Variants in AIRE observed in about 807,000 individuals in gnomAD.
AIRE encodes the protein autoimmune polyendocrinopathy candidiasis ectodermal dystrophy protein.
Under a neutral mutation model 62.1 loss-of-function variants are expected in AIRE, and 52 were observed. That is an observed-to-expected ratio of 0.84 (90% confidence interval 0.67 to 1.06). The LOEUF (loss-of-function observed/expected upper bound fraction) is 1.06. Among genes scored for constraint, AIRE ranks in the 50% least tolerant of loss-of-function variants. The probability of loss-of-function intolerance (pLI) is 0.00; values close to 1 mark genes in which losing one functional copy is unlikely to be tolerated. For synonymous variants in AIRE, 342 were observed against 321.6 expected (o/e 1.06, Z -0.68); for missense variants, 774 against 755.8 (o/e 1.02, Z -0.28).
chr21:44,293,005 C>T lies in AIRE; in HGVS notation c.1108C>T (p.Leu370Phe). The change falls in exon 10 of 14, where the codon CTT becomes TTT. Residue 370 changes from leucine to phenylalanine, a missense_variant. Coordinates refer to ENST00000291582, the MANE Select transcript of AIRE (RefSeq NM_000383.4). Reference protein sequence around the residue: ...PPVETPLPPGLRSAGEEVRGP... With the variant: ...PPVETPLPPGFRSAGEEVRGP... ...CCTTGGGTTCCAGCTCCCCCCGGGG[C>T]TTAGGTCGGCGGGAGAGGAGGTAAG... The T allele has an allele frequency of 6.2e-7, 1 of 1,612,408 alleles. No individual in the cohort carries two copies. Among genetic ancestry groups the T allele is most frequent in the Non-Finnish European group, 8.5e-7 (1 of 1,179,794 alleles).
chr21:44,286,867 G>C lies in AIRE; in HGVS notation c.308-111G>C. On this transcript the variant is annotated intron_variant, in intron 2 of 13. Transcript: ENST00000291582. This position sits in a 1 kb window ranked among gnomAD's most constrained non-coding sequence, Gnocchi z 6.0. Reference sequence around the variant, plus strand: ...TCCAGGACCGTCTTGGATCCTAAGAGGCAAAGGGGCCAGGCCTCACCTGTC... The same window carrying C: ...TCCAGGACCGTCTTGGATCCTAAGACGCAAAGGGGCCAGGCCTCACCTGTC... 6.4e-7 allele frequency: 1 copy of C among 1,572,668 alleles called. No homozygotes were observed. The highest frequency in any genetic ancestry group is 8.7e-7 in the Non-Finnish European group (1 of 1,147,652).
At position 44,286,947 on chromosome 21, in the gene AIRE, T is replaced by C; in HGVS notation, c.308-31T>C. ...CCTACCCCTGGAGAAAACCCTGAGG[T>C]TGGGACCCTGCTCCTGCCCCTGAGC... On this transcript the variant is annotated intron_variant, in intron 2 of 13. Coordinates refer to ENST00000291582, the MANE Select transcript of AIRE (RefSeq NM_000383.4). The surrounding 1 kb of genome is among the most constrained non-coding windows in gnomAD (Gnocchi z 6.0). 6.2e-7 allele frequency: 1 copy of C among 1,612,524 alleles called. No homozygotes were observed. Among genetic ancestry groups the C allele is most frequent in the Non-Finnish European group, 8.5e-7 (1 of 1,179,874 alleles).
In AIRE at chr21:44,297,004, A is replaced by C. The variant is rs1342468995; in HGVS notation, c.1566+559A>C. Among the ~76,000 whole-genome samples the C allele has an allele frequency of 6.6e-6, 1 of 152,198 alleles. No homozygotes were observed. The highest frequency in any genetic ancestry group is 1.5e-5 in the Non-Finnish European group (1 of 68,024). On this transcript the variant is annotated intron_variant, in intron 13 of 13. Coordinates refer to ENST00000291582, the MANE Select transcript of AIRE (RefSeq NM_000383.4). This position sits in a 1 kb window ranked among gnomAD's most constrained non-coding sequence, Gnocchi z 4.8. ...CTCCACGGGTTCTCCTCAGTGTCTGATGTGGCACCCGGGGGTCCCAGCTGA... is the reference window on the plus strand; with the variant it reads ...CTCCACGGGTTCTCCTCAGTGTCTGCTGTGGCACCCGGGGGTCCCAGCTGA...
chr21:44,291,320 G>T, intron 8 of AIRE, 110 bp downstream of exon 8: 1 of 1,478,924 alleles, frequency 6.8e-7, no homozygotes. Flanking sequence ...AAGATGGAAA[G>T]GGGTTCTGAG....
chr21:44,295,118 T>C (rs751437185), intron 12 of AIRE, among the ~76,000 whole-genome samples: 26 of 152,168 alleles, frequency 1.7e-4, no homozygotes, highest in Non-Finnish European at 3.5e-4. Flanking sequence ...CCTCTTGCCC[T>C]GACCGTCCCC....
Position 44,291,123 on chromosome 21 carries a change from G to T in AIRE, c.908G>T (p.Arg303Leu), listed in dbSNP as rs139808903. Reference sequence around the variant, plus strand: ...AATGAGGACGAGTGTGCCGTGTGTCGGGACGGCGGGGAGCTCATCTGCTGT... The same window carrying T: ...AATGAGGACGAGTGTGCCGTGTGTCTGGACGGCGGGGAGCTCATCTGCTGT... ...QKNEDECAVC[R>L]DGGELICCDG... The change falls in exon 8 of 14, where the codon CGG becomes CTG. Residue 303 changes from arginine (R) to leucine (L), a missense_variant. By Grantham distance (102) the Arg-to-Leu change is moderately radical. Around this residue, in one of 3 missense-constraint regions of AIRE, gnomAD observed 35 missense variants for 63.7 expected, o/e 0.55. Transcript: ENST00000291582. 6.2e-7 allele frequency: 1 copy of T among 1,612,240 alleles called. No individual in the cohort carries two copies. Among genetic ancestry groups the T allele is most frequent in the African/African-American group, 1.3e-5 (1 of 74,894 alleles).
chr21:44,295,924 G>C (rs554125220), intron 12 of AIRE, among the ~76,000 whole-genome samples: 25 of 152,244 alleles, frequency 1.6e-4, no homozygotes, highest in African/African-American at 6.0e-4. Context: ...GAATTCCACA[G>C]GGTTCAATGT....
Position 44,291,248 on chromosome 21 carries a change from C to A in AIRE, c.995+38C>A, listed in dbSNP as rs200741288. ...CTCTGCCAGCGCAACCAGGCCACCCCGGTTCACGGCCGCCTCCACCCACTG... is the reference window on the plus strand; with the variant it reads ...CTCTGCCAGCGCAACCAGGCCACCCAGGTTCACGGCCGCCTCCACCCACTG... On this transcript the variant is annotated intron_variant, in intron 8 of 13. Coordinates refer to ENST00000291582, the MANE Select transcript of AIRE (RefSeq NM_000383.4). The A allele has an allele frequency of 3.6e-5, 57 of 1,594,042 alleles. No individual in the cohort carries two copies. The African/African-American group carries it at 7.2e-4, about 20-fold the overall frequency.
In AIRE at chr21:44,287,554, G is replaced by GAGCAGCGCAGAGC. The variant is rs940485051; in HGVS notation, c.510_522dup (p.Leu175ArgfsTer46). On this transcript the variant is annotated frameshift_variant, in exon 4 of 14. Transcript: ENST00000291582. LOFTEE classifies it high-confidence loss of function. This position sits in a 1 kb window ranked among gnomAD's most constrained non-coding sequence, Gnocchi z 4.3. ...AGGCCAAGCCCCCCAAGAAGCCGGAGAGCAGCGCAGAGCAGCAGCGCCTTC... is the reference window on the plus strand; with the variant it reads ...AGGCCAAGCCCCCCAAGAAGCCGGAGAGCAGCGCAGAGCAGCAGCGCAGAGCAGCAGCGCCTTC... 3 of 1,558,698 alleles carry GAGCAGCGCAGAGC rather than the reference G, an allele frequency of 1.9e-6. No individual in the cohort carries two copies. The highest frequency in any genetic ancestry group is 2.6e-6 in the Non-Finnish European group (3 of 1,151,424).
chr21:44,288,537 T>G (rs1411568230), intron 5 of AIRE, 79 bp downstream of exon 5: 2 of 1,041,726 alleles, frequency 1.9e-6, no homozygotes, highest in East Asian at 4.8e-5. Context: ...CCCCTTTGCA[T>G]CCTGGTGGTC....
At position 44,293,189 on chromosome 21, in the gene AIRE, G is replaced by A; in HGVS notation, c.1278+14G>A. 3 of 1,542,062 alleles carry A rather than the reference G, an allele frequency of 1.9e-6. No homozygotes were observed. The highest frequency in any genetic ancestry group is 1.2e-5 in the South Asian group (1 of 83,834). Reference sequence around the variant, plus strand: ...GAGGGTCAGCAGGTGAGCGGGGAGTGGGGGTCAGGGTGGGCTCTTCAAGGA... The same window carrying A: ...GAGGGTCAGCAGGTGAGCGGGGAGTAGGGGTCAGGGTGGGCTCTTCAAGGA... On this transcript the variant is annotated intron_variant, in intron 10 of 13. Transcript: ENST00000291582.
chr21:44,290,696 A>T (rs1476965664), intron 7 of AIRE: 13 of 1,320,820 alleles, frequency 9.8e-6, no homozygotes, highest in Non-Finnish European at 1.3e-5. Context: ...AGCAGGCACC[A>T]TCCAGGCAGG....
chr21:44,291,032 G>T (rs1404613318), intron 7 of AIRE, 63 bp from the exon 8 acceptor site: 1 of 1,613,404 alleles, frequency 6.2e-7, no homozygotes, highest in African/African-American at 1.3e-5. Context: ...TGGGAAGGAG[G>T]TGGCTCTCAG....
rs544715010 is a variant in AIRE, at chr21:44,286,836, T to G, written c.307+105T>G. On this transcript the variant is annotated intron_variant, in intron 2 of 13. Transcript: ENST00000291582. The surrounding 1 kb of genome is among the most constrained non-coding windows in gnomAD (Gnocchi z 6.0). ...GAGTGGTGTTTGAGGAGCCCGTGGG[T>G]GATGTTCCAGGACCGTCTTGGATCC... 1 of 1,564,518 alleles carries G rather than the reference T, an allele frequency of 6.4e-7. No homozygotes were observed. Among genetic ancestry groups the G allele is most frequent in the African/African-American group, 1.4e-5 (1 of 73,730 alleles).
At position 44,298,248 on chromosome 21, in the gene AIRE, T is replaced by C. The variant is rs1362758457; in HGVS notation, c.*521T>C. The C allele has an allele frequency of 1.1e-5, 2 of 185,916 alleles. No homozygotes were observed. Among genetic ancestry groups the C allele is most frequent in the Non-Finnish European group, 2.3e-5 (2 of 87,188 alleles). 11.5% of individuals were successfully genotyped at this position (185,916 alleles called of 1,614,324 possible). A position where few individuals can be genotyped will look rare whatever the true frequency, so the allele number is the denominator to read the frequency against. Reference sequence around the variant, plus strand: ...TTGCCACCACCATCTGCAGAGCTGTTCCAGCTTCCTGAATGGAAACTCTGG... The same window carrying C: ...TTGCCACCACCATCTGCAGAGCTGTCCCAGCTTCCTGAATGGAAACTCTGG... On this transcript the variant is annotated 3_prime_UTR_variant, in exon 14 of 14. Transcript: ENST00000291582.
rs779142964 is a variant in AIRE, at chr21:44,297,676, G to A, written c.1587G>A (p.Leu529=). The change falls in exon 14 of 14, where the codon CTG becomes CTA. Residue 529 remains leucine (L), a synonymous_variant. Coordinates refer to ENST00000291582, the MANE Select transcript of AIRE (RefSeq NM_000383.4). The surrounding 1 kb of genome is among the most constrained non-coding windows in gnomAD (Gnocchi z 4.8). ...LLSEHTFDGI[L]QWAIQSMARP... ...CGCAGCACACCTTCGATGGCATCCT[G>A]CAGTGGGCCATCCAGAGCATGGCCC... 1.2e-6 allele frequency: 2 copies of A among 1,612,442 alleles called. No homozygotes were observed. Among genetic ancestry groups the A allele is most frequent in the East Asian group, 4.5e-5 (2 of 44,880 alleles).
At chr21:44,288,710 G>A in intron 5 of AIRE, 1 of 500,550 alleles carries the variant, frequency 2.0e-6, no homozygotes, top group South Asian at 2.5e-5. Context: ...GCACTCCCCA[G>A]TCACCTCCAT....
intron 9 of AIRE, 119 bp from the exon 10 acceptor site, chr21:44,292,874 A>ATGCCAGCCCTCCGCCCCCCCCC: frequency 2.4e-6 from 2 of 839,008 alleles, no homozygotes; most frequent in Admixed American, 2.0e-5. Flanking sequence ...CGCCCCCACC[A>ATGCCAGCCCTCCGCCCCCCCCC]TGCCAGGCCT....
At chr21:44,296,985 G>C (rs1227280955) in intron 13 of AIRE, among the ~76,000 whole-genome samples, 4 of 152,224 alleles carry the variant, frequency 2.6e-5, no homozygotes, top group Non-Finnish European at 5.9e-5. Flanking sequence ...CAGCCTCCAC[G>C]GGTTCTCCTC....
Sources: allele counts gnomAD v4.1 joint callset (sites outside exome capture counted in the v4.1 genomes callset), GRCh38; gene constraint gnomAD v4.1.1; regional missense constraint gnomAD v4.1.1; non-coding constraint Gnocchi (gnomAD v3.1); transcripts MANE v1.5; gene names NCBI Gene and HGNC (gene_info 2026-07-23, HGNC 2026-07-21).